ALDH1A2: variants seen among roughly 807,000 people sequenced by gnomAD.
ALDH1A2 encodes the protein aldehyde dehydrogenase 1 family member A2.
ALDH1A2 carries 27 observed loss-of-function variants against 60.3 expected under a neutral mutation model. That is an observed-to-expected ratio of 0.45 (90% confidence interval 0.33 to 0.62). The LOEUF (loss-of-function observed/expected upper bound fraction) is 0.62, where lower values mean the gene tolerates loss of function less well. Ranked by LOEUF, ALDH1A2 falls within the 20% of genes least tolerant of loss-of-function variation. The pLI is 0.02. For missense variants in ALDH1A2, 581 were observed against 643.8 expected, an observed-to-expected ratio of 0.90 and a Z score of 1.06; for synonymous variants, 289 against 232.4, an observed-to-expected ratio of 1.24 and a Z score of -2.21.
chr15:58,064,328 AG>A (rs1204940701), intron 1 of ALDH1A2, among the ~76,000 whole-genome samples: 1 of 152,214 alleles, frequency 6.6e-6, no homozygotes, highest in Non-Finnish European at 1.5e-5. Flanking sequence ...AAAAGCTAGC[AG>A]GTACATTAAA....
intron 1 of ALDH1A2, among the ~76,000 whole-genome samples, chr15:58,021,827 T>G (rs746538622): frequency 4.6e-5 from 7 of 152,218 alleles, no homozygotes; most frequent in Non-Finnish European, 8.8e-5. Flanking sequence ...CCAGTGCTGG[T>G]AGACATGTGT....
rs1277081737 is a variant in ALDH1A2 at position 57,954,409 on chromosome 15, A to T, written c.*788T>A. 5 of 152,720 alleles carry T rather than the reference A, an allele frequency of 3.3e-5. No individual in the cohort carries two copies. Among genetic ancestry groups the T allele is most frequent in the Non-Finnish European group, 5.9e-5 (4 of 68,040 alleles). 9.5% of individuals were successfully genotyped at this position (152,720 alleles called of 1,614,324 possible). On this transcript the variant is annotated 3_prime_UTR_variant, in exon 13 of 13. Transcript: ENST00000249750. ...CTTATCTAGCTATGAAAAACAACCCACTCCTTGCCTTATTCCAGAATAACT... is the reference window on the plus strand; with the variant it reads ...CTTATCTAGCTATGAAAAACAACCCTCTCCTTGCCTTATTCCAGAATAACT...
Position 58,065,566 on chromosome 15 carries a change from G to C in ALDH1A2, c.85C>G (p.Pro29Ala). The change falls in exon 1 of 13, where the codon CCC (proline) becomes GCC (alanine). Residue 29 changes from proline (P) to alanine (A), a missense_variant. Around this residue, in one of 2 missense-constraint regions of ALDH1A2, gnomAD observed 206 missense variants for 174.1 expected, o/e 1.18. Transcript: ENST00000249750. ...TACTTAATTTCGAGATTGGGCGTGG[G>C]CGACGGCAGGAGGTGCAGCGACGCC... Reference protein sequence around the residue: ...LMASLHLLPSPTPNLEIKYTK... With the variant: ...LMASLHLLPSATPNLEIKYTK... The C allele has an allele frequency of 6.2e-7, 1 of 1,613,732 alleles. No homozygotes were observed. Among genetic ancestry groups the C allele is most frequent in the Non-Finnish European group, 8.5e-7 (1 of 1,179,776 alleles).
At chr15:57,989,676 T>C (rs539365992) in intron 7 of ALDH1A2, among the ~76,000 whole-genome samples, 1 of 45,930 alleles carries the variant, frequency 2.2e-5, no homozygotes, top group African/African-American at 6.2e-5. Context: ...AAATGCATCA[T>C]GTAATGTTAT....
intron 1 of ALDH1A2, among the ~76,000 whole-genome samples, chr15:58,030,550 G>C (rs780451083): frequency 6.6e-6 from 1 of 152,040 alleles, no homozygotes; most frequent in Admixed American, 6.6e-5. Context: ...GGCAATCAGA[G>C]AAGAGAAAGA....
At chr15:57,960,866 CTGTGAGTTCG>C in intron 11 of ALDH1A2, 22 bp from the exon 12 acceptor site, 1 of 1,606,336 alleles carries the variant, frequency 6.2e-7, no homozygotes, top group Non-Finnish European at 8.5e-7. Context: ...AAACATAGCA[CTGTGAGTTCG>C]TGTGAAGTCT....
intron 1 of ALDH1A2, among the ~76,000 whole-genome samples, chr15:58,019,089 CAG>C (rs1457989480): frequency 4.6e-5 from 7 of 151,968 alleles, no homozygotes; most frequent in African/African-American, 1.7e-4. Flanking sequence ...GAAGTGTACA[CAG>C]AAATTTTTGC....
chr15:58,054,662 G>T (rs1595694089), intron 1 of ALDH1A2, among the ~76,000 whole-genome samples: 1 of 152,048 alleles, frequency 6.6e-6, no homozygotes, highest in Non-Finnish European at 1.5e-5. Flanking sequence ...GAAAGCATTA[G>T]AAAGAATGTA....
At chr15:58,044,090 A>G (rs1896582285) in intron 1 of ALDH1A2, among the ~76,000 whole-genome samples, 1 of 152,008 alleles carries the variant, frequency 6.6e-6, no homozygotes, top group East Asian at 1.9e-4. Flanking sequence ...GTCTATTTGA[A>G]AAGAGGACTT....
At chr15:58,053,805 C>A (rs1896832973) in intron 1 of ALDH1A2, among the ~76,000 whole-genome samples, 1 of 152,148 alleles carries the variant, frequency 6.6e-6, no homozygotes, top group South Asian at 2.1e-4. Context: ...ACAACTACCA[C>A]CCAGGCTTTA....
chr15:58,050,709 T>C (rs1246603732), intron 1 of ALDH1A2, among the ~76,000 whole-genome samples: 1 of 152,184 alleles, frequency 6.6e-6, no homozygotes, highest in African/African-American at 2.4e-5. Context: ...TCAAGTGAAT[T>C]TGATACACAG....
At chr15:58,014,398 ATTT>A in intron 1 of ALDH1A2, 117 bp from the exon 2 acceptor site, 1 of 867,794 alleles carries the variant, frequency 1.2e-6, no homozygotes, top group Non-Finnish European at 1.9e-6. Flanking sequence ...AAAGTATACA[ATTT>A]GAAGTGTTTT....
intron 7 of ALDH1A2, among the ~76,000 whole-genome samples, chr15:57,977,118 CTTGT>C (rs1420974332): frequency 4.0e-5 from 6 of 148,478 alleles, no homozygotes; most frequent in African/African-American, 1.2e-4. Context: ...TTCTTGTAAA[CTTGT>C]TTAAGTTCCT....
At chr15:57,987,008 T>TGTA (rs1894725715) in intron 7 of ALDH1A2, among the ~76,000 whole-genome samples, 1 of 151,904 alleles carries the variant, frequency 6.6e-6, no homozygotes, top group East Asian at 1.9e-4. Flanking sequence ...AATAAAGGGG[T>TGTA]GTAGCGAGGA....
chr15:58,034,482 A>G (rs1222044096), intron 1 of ALDH1A2, among the ~76,000 whole-genome samples: 1 of 151,710 alleles, frequency 6.6e-6, no homozygotes, highest in Non-Finnish European at 1.5e-5. Flanking sequence ...TGCATTAACT[A>G]GAACTTCTAG....
chr15:58,037,378 G>A (rs1225143532), intron 1 of ALDH1A2, among the ~76,000 whole-genome samples: 1 of 151,564 alleles, frequency 6.6e-6, no homozygotes, highest in African/African-American at 2.4e-5. Context: ...ACAGGAAGAA[G>A]AGACTTTTAA....
intron 7 of ALDH1A2, among the ~76,000 whole-genome samples, chr15:57,976,579 G>T (rs1894266240): frequency 2.0e-5 from 3 of 152,160 alleles, no homozygotes; most frequent in African/African-American, 7.2e-5. Context: ...CCAGGTCCCT[G>T]TAAAGGACAT....
intron 1 of ALDH1A2, chr15:58,014,656 A>G: frequency 2.4e-6 from 1 of 410,486 alleles, no homozygotes; most frequent in Non-Finnish European, 4.8e-6. Context: ...TACAGTCATC[A>G]AGCCTTAGAT....
chr15:57,984,715 G>A (rs1414521611), intron 7 of ALDH1A2, among the ~76,000 whole-genome samples: 1 of 152,198 alleles, frequency 6.6e-6, no homozygotes, highest in Non-Finnish European at 1.5e-5. Context: ...TGGGTGAACA[G>A]TATTCCATTG....
Sources: gnomAD v4.1 joint callset for allele counts (sites outside exome capture counted in the v4.1 genomes callset) on GRCh38, gnomAD v4.1.1 for gene constraint, gnomAD v4.1.1 regional missense constraint, MANE v1.5 for transcripts, NCBI Gene and HGNC (gene_info 2026-07-23, HGNC 2026-07-21) for gene names.